The following PPP6R2 variants were observed in gnomAD, a reference collection of about 807,000 sequenced individuals.
PPP6R2 encodes protein phosphatase 6 regulatory subunit 2.
PPP6R2 carries 62 observed loss-of-function variants against 100.2 expected under a neutral mutation model. The observed-to-expected ratio is 0.62, with a 90% confidence interval of 0.50 to 0.76. The LOEUF is 0.76. Among genes scored for constraint, PPP6R2 ranks in the 30% least tolerant of loss-of-function variants. The probability of loss-of-function intolerance (pLI) is 0.00; values close to 1 mark genes in which losing one functional copy is unlikely to be tolerated. For synonymous variants in PPP6R2, 525 were observed against 514.7 expected, an observed-to-expected ratio of 1.02 and a Z score of -0.27; for missense variants, 1,142 against 1,276.3, an observed-to-expected ratio of 0.89 and a Z score of 1.60.
chr22:50,340,140 TGTGTGGTGTGTGTAGGGC>T (rs879884821), upstream of PPP6R2, among the ~76,000 whole-genome samples: 7 of 87,154 alleles, frequency 8.0e-5, no homozygotes, highest in Non-Finnish European at 1.9e-4. Context: ...GTGTGTACAG[TGTGTGGTGTGTGTAGGGC>T]GTGTGGTGTG....
At chr22:50,400,093 C>T (rs1291269275) in intron 3 of PPP6R2, among the ~76,000 whole-genome samples, 7 of 152,190 alleles carry the variant, frequency 4.6e-5, no homozygotes, top group African/African-American at 1.4e-4. Context: ...AACTGCTCAC[C>T]CAGTGGGAAG....
At chr22:50,418,308 A>C (rs2060820442) in intron 6 of PPP6R2, among the ~76,000 whole-genome samples, 1 of 152,226 alleles carries the variant, frequency 6.6e-6, no homozygotes, top group African/African-American at 2.4e-5. Flanking sequence ...CAGAAAAGGC[A>C]GACACAGGCT....
At chr22:50,419,518 G>A in intron 8 of PPP6R2, 56 bp downstream of exon 8, 1 of 1,237,222 alleles carries the variant, frequency 8.1e-7, no homozygotes. Context: ...CAGTGATATG[G>A]CAGCCCACAC....
intron 2 of PPP6R2, among the ~76,000 whole-genome samples, chr22:50,378,599 T>C (rs755949551): frequency 1.3e-5 from 2 of 151,726 alleles, no homozygotes; most frequent in Admixed American, 6.6e-5. Context: ...AAAAATTATC[T>C]ACTGTAGTTG....
At chr22:50,390,308 A>G (rs2055208057) in intron 2 of PPP6R2, among the ~76,000 whole-genome samples, 1 of 152,170 alleles carries the variant, frequency 6.6e-6, no homozygotes, top group African/African-American at 2.4e-5. Flanking sequence ...CCGTTTTTCA[A>G]GAGAAACATT....
intron 22 of PPP6R2, 161 bp from the exon 23 acceptor site, chr22:50,443,704 TG>T: frequency 9.9e-7 from 1 of 1,009,910 alleles, no homozygotes; most frequent in Non-Finnish European, 1.4e-6. Context: ...GCTGCCTAGC[TG>T]GGCACAACCT....
upstream of PPP6R2, among the ~76,000 whole-genome samples, chr22:50,339,707 TGGTGTGTGTAG>T (rs2042347792): frequency 7.0e-6 from 1 of 143,710 alleles, no homozygotes; most frequent in South Asian, 2.3e-4. Context: ...GTGTAGTGTG[TGGTGTGTGTAG>T]GGTGTGTGTT....
rs1308727273 is a variant in PPP6R2 at position 50,406,746 on chromosome 22, C to G, written c.285C>G (p.Arg95=). 12 of 1,614,116 alleles carry G rather than the reference C, an allele frequency of 7.4e-6. No individual in the cohort carries two copies. Among genetic ancestry groups the G allele is most frequent in the Non-Finnish European group, 1.0e-5 (12 of 1,180,014 alleles). ...LTCDVPQISD[R]LGGDESLLSL... is the part of the protein sequence containing the mutation. ...GTGATGTGCCGCAGATCAGCGACCG[C>G]CTCGGTGGGGACGAGAGCCTGCTGA... is the stretch of plus-strand genomic sequence containing the variant. The change falls in exon 4 of 24, where the codon CGC becomes CGG. Residue 95 remains arginine, a synonymous_variant. Transcript: ENST00000612753.
intron 2 of PPP6R2, among the ~76,000 whole-genome samples, chr22:50,381,719 G>A (rs1255005354): frequency 6.6e-6 from 1 of 151,894 alleles, no homozygotes. Flanking sequence ...AGGAGATTGA[G>A]ACCACGGTGA....
chr22:50,406,916 A>C, intron 4 of PPP6R2, 41 bp downstream of exon 4: 1 of 1,571,846 alleles, frequency 6.4e-7, no homozygotes, highest in South Asian at 1.1e-5. Flanking sequence ...GGGCACCGTC[A>C]TGGTGGATGC....
intron 2 of PPP6R2, among the ~76,000 whole-genome samples, chr22:50,385,814 CTTTTTTTTTT>C (rs1192671164): frequency 1.3e-5 from 1 of 75,396 alleles, no homozygotes. Context: ...CCGCGCCCAG[CTTTTTTTTTT>C]TTTTTTTTTT....
chr22:50,403,336 C>T (rs1407319661), intron 3 of PPP6R2, among the ~76,000 whole-genome samples: 1 of 152,214 alleles, frequency 6.6e-6, no homozygotes, highest in Non-Finnish European at 1.5e-5. Flanking sequence ...CCTCCCCCTG[C>T]CCAGCTCACC....
upstream of PPP6R2, among the ~76,000 whole-genome samples, chr22:50,339,021 GT>G (rs2042337356): frequency 6.9e-6 from 1 of 143,968 alleles, no homozygotes. Context: ...TGTGGTGTGT[GT>G]GTGTGGTGTG....
chr22:50,408,519 G>A (rs149528452), intron 4 of PPP6R2, among the ~76,000 whole-genome samples: 28 of 152,284 alleles, frequency 1.8e-4, no homozygotes, highest in African/African-American at 6.3e-4. Flanking sequence ...GCAGTGGGTC[G>A]TGCTGGGTGT....
chr22:50,411,013 A>G (rs1451803318), intron 4 of PPP6R2, among the ~76,000 whole-genome samples: 5 of 150,780 alleles, frequency 3.3e-5, no homozygotes, highest in Non-Finnish European at 7.4e-5. Context: ...GCAGTCTTGA[A>G]CTCCTGACCT....
chr22:50,408,656 C>T (rs902467994), intron 4 of PPP6R2, among the ~76,000 whole-genome samples: 3 of 152,050 alleles, frequency 2.0e-5, no homozygotes, highest in African/African-American at 7.2e-5. Flanking sequence ...CCCTTGCAGC[C>T]CAGTGACTAG....
intron 4 of PPP6R2, 72 bp from the exon 5 acceptor site, chr22:50,414,480 G>C: frequency 1.3e-6 from 2 of 1,537,508 alleles, no homozygotes; most frequent in Non-Finnish European, 1.8e-6. Context: ...TTTCCCATGA[G>C]AGTTTTTGGA....
chr22:50,367,943 G>C lies in PPP6R2; in HGVS notation c.-147-4077G>C, dbSNP rs1450361669. On this transcript the variant is annotated intron_variant, in intron 1 of 23. Transcript: ENST00000612753. ...TACAGGCAAGGGGGCAGGGTAAGGA[G>C]TGTGAGTGGCCTCCAATGATAGATA... Among the ~76,000 whole-genome samples, 3 of 152,224 alleles carry C rather than the reference G, an allele frequency of 2.0e-5. 1 individual carries two copies. In the South Asian group the frequency reaches 6.2e-4, roughly 31 times the overall value.
At chr22:50,418,834 C>CTG (rs768165488) in intron 6 of PPP6R2, 33 bp from the exon 7 acceptor site, 5 of 1,546,052 alleles carry the variant, frequency 3.2e-6, no homozygotes, top group Middle Eastern at 1.7e-4. Context: ...CTTCTCCACA[C>CTG]TGAGGGACTC....
Sources: allele counts gnomAD v4.1 joint callset (sites outside exome capture counted in the v4.1 genomes callset), GRCh38; gene constraint gnomAD v4.1.1; transcripts MANE v1.5; gene names NCBI Gene and HGNC (gene_info 2026-07-23, HGNC 2026-07-21).